PPP2R5C: variants seen among roughly 807,000 people sequenced by gnomAD.
The protein encoded by PPP2R5C is serine/threonine-protein phosphatase 2A 56 kDa regulatory subunit gamma isoform.
A neutral mutation model predicts 68.9 loss-of-function variants in PPP2R5C; 7 were observed. The observed-to-expected ratio is 0.10, with a 90% CI of 0.06 to 0.19. The LOEUF is 0.19. PPP2R5C is among the 10% of genes least tolerant of loss of function. PPP2R5C has a pLI of 1.00. For missense variants in PPP2R5C, 348 were observed against 641.3 expected (o/e 0.54, Z 4.94); for synonymous variants, 210 against 222.2 (o/e 0.95, Z 0.49).
At chr14:101,848,258 C>T (rs886376789) in intron 1 of PPP2R5C, among the ~76,000 whole-genome samples, 6 of 152,044 alleles carry the variant, frequency 3.9e-5, no homozygotes, top group Admixed American at 1.3e-4. Context: ...GGGGGCCGGG[C>T]GTGGTGGCTT....
intron 9 of PPP2R5C, among the ~76,000 whole-genome samples, chr14:101,902,689 G>A (rs771381218): frequency 2.0e-5 from 3 of 152,224 alleles, no homozygotes; most frequent in Non-Finnish European, 2.9e-5. Flanking sequence ...CAGGCTCTCA[G>A]AAACACATGG....
At chr14:101,831,884 T>G in intron 1 of PPP2R5C, 1 of 621,850 alleles carries the variant, frequency 1.6e-6, no homozygotes, top group Non-Finnish European at 3.0e-6. Context: ...AAGTTGAGTT[T>G]AACTTGTCCA....
intron 2 of PPP2R5C, among the ~76,000 whole-genome samples, chr14:101,763,711 C>T (rs1417595029): frequency 2.6e-5 from 4 of 152,160 alleles, no homozygotes; most frequent in African/African-American, 9.7e-5. Context: ...TCATTTCCCA[C>T]ACCTCAAACC....
intron 2 of PPP2R5C, among the ~76,000 whole-genome samples, chr14:101,768,777 T>TTAGAATGCTC (rs2036992791): frequency 6.6e-6 from 1 of 152,218 alleles, no homozygotes; most frequent in Middle Eastern, 3.4e-3. Context: ...AACCCCTCTT[T>TTAGAATGCTC]TAGAATGCTC....
At chr14:101,824,772 T>A (rs1294177465) in intron 1 of PPP2R5C, 1 of 152,590 alleles carries the variant, frequency 6.6e-6, no homozygotes, top group African/African-American at 2.4e-5. Context: ...GTGCTGTGGG[T>A]GCGTGTCTGC....
At chr14:101,866,120 C>T (rs2043050562) in intron 2 of PPP2R5C, among the ~76,000 whole-genome samples, 2 of 152,188 alleles carry the variant, frequency 1.3e-5, no homozygotes, top group African/African-American at 4.8e-5. Context: ...ATCTCAAACT[C>T]CTGATCTCAG....
chr14:101,761,048 GA>G, upstream of PPP2R5C, among the ~76,000 whole-genome samples: 3 of 134,298 alleles, frequency 2.2e-5, no homozygotes, highest in Admixed American at 1.4e-4. Flanking sequence ...GGAGGGGACG[GA>G]GGGGAGGGGA....
intron 2 of PPP2R5C, among the ~76,000 whole-genome samples, chr14:101,875,752 T>G (rs563730762): frequency 9.8e-5 from 15 of 152,346 alleles, no homozygotes; most frequent in African/African-American, 3.1e-4. Flanking sequence ...TTAAGTTCAT[T>G]GAGTTCATCA....
intron 13 of PPP2R5C, among the ~76,000 whole-genome samples, chr14:101,922,444 G>T (rs1264467260): frequency 6.6e-6 from 1 of 151,364 alleles, no homozygotes; most frequent in Non-Finnish European, 1.5e-5. Flanking sequence ...AGCCGAGGTT[G>T]CACCATTGCA....
intron 2 of PPP2R5C, among the ~76,000 whole-genome samples, chr14:101,869,486 T>A (rs2140749315): frequency 6.6e-6 from 1 of 152,302 alleles, no homozygotes; most frequent in Non-Finnish European, 1.5e-5. Flanking sequence ...TGTGTTGAGC[T>A]TTCTAAGGAA....
chr14:101,840,711 C>G (rs149860592), intron 1 of PPP2R5C, among the ~76,000 whole-genome samples: 2 of 152,204 alleles, frequency 1.3e-5, no homozygotes, highest in African/African-American at 4.8e-5. Flanking sequence ...TAAGTAGTTC[C>G]TATTGCACTG....
At chr14:101,912,329 T>C in intron 11 of PPP2R5C, 72 bp from the exon 14 acceptor site, 1 of 1,340,628 alleles carries the variant, frequency 7.5e-7, no homozygotes, top group Non-Finnish European at 1.0e-6. Context: ...AACATGCCTG[T>C]GCCTTTTCCC....
chr14:101,840,189 A>T (rs1259750221), intron 1 of PPP2R5C, among the ~76,000 whole-genome samples: 1 of 152,026 alleles, frequency 6.6e-6, no homozygotes, highest in Non-Finnish European at 1.5e-5. Context: ...ATATCACATT[A>T]TTCTTTTCTC....
At chr14:101,762,852 T>C (rs2036625671) in intron 1 of PPP2R5C, 53 bp from the exon 2 acceptor site, 4 of 1,457,340 alleles carry the variant, frequency 2.7e-6, no homozygotes, top group Non-Finnish European at 2.8e-6. Flanking sequence ...TTATCTGATG[T>C]TTACCTGTCT....
chr14:101,767,772 G>T (rs563072899), intron 2 of PPP2R5C, among the ~76,000 whole-genome samples: 1 of 152,324 alleles, frequency 6.6e-6, no homozygotes, highest in South Asian at 2.1e-4. Flanking sequence ...TCAGAAAGAG[G>T]TTCTGCGGGG....
intron 1 of PPP2R5C, chr14:101,823,603 T>G: frequency 1.0e-5 from 3 of 286,546 alleles, no homozygotes; most frequent in South Asian, 1.2e-4. Context: ...CTCTTTCCTG[T>G]GAGAGAGTAA....
chr14:101,794,362 G>A (rs770831571), intron 3 of PPP2R5C, among the ~76,000 whole-genome samples: 1 of 152,176 alleles, frequency 6.6e-6, no homozygotes, highest in African/African-American at 2.4e-5. Context: ...ACTTTGAATT[G>A]ACCCATAGTC....
At chr14:101,900,418 C>T (rs1021393780) in intron 8 of PPP2R5C, among the ~76,000 whole-genome samples, 4 of 152,176 alleles carry the variant, frequency 2.6e-5, no homozygotes, top group South Asian at 2.1e-4. Context: ...CAGGCGGTCC[C>T]GGGGGCCAGC....
At chr14:101,790,199 A>G (rs981853937) in intron 3 of PPP2R5C, among the ~76,000 whole-genome samples, 2 of 152,246 alleles carry the variant, frequency 1.3e-5, no homozygotes, top group African/African-American at 4.8e-5. Context: ...TGTAACCTTC[A>G]GCCCTATCCC....
Sources: gnomAD v4.1 joint callset for allele counts (sites outside exome capture counted in the v4.1 genomes callset) on GRCh38, gnomAD v4.1.1 for gene constraint, MANE v1.5 for transcripts, NCBI Gene and HGNC (gene_info 2026-07-23, HGNC 2026-07-21) for gene names.